Variants in CSMD1 observed in about 807,000 individuals in gnomAD.
CSMD1 encodes the protein CUB and sushi domain-containing protein 1.
CSMD1 carries 213 observed loss-of-function variants against 417.5 expected under a neutral mutation model. That is an observed-to-expected ratio of 0.51 (90% CI 0.46 to 0.57). The LOEUF (loss-of-function observed/expected upper bound fraction) is 0.57. Ranked by LOEUF, CSMD1 falls within the 20% of genes least tolerant of loss-of-function variation. The pLI is 0.00. For missense variants in CSMD1, 6,923 were observed against 4,529.7 expected (o/e 1.53, Z -15.17); for synonymous variants, 2,862 against 1,736.8 (o/e 1.65, Z -16.11).
At chr8:3,345,539 C>T (rs1436514186) in intron 22 of CSMD1, among the ~76,000 whole-genome samples, 1 of 152,102 alleles carries the variant, frequency 6.6e-6, no homozygotes. Flanking sequence ...ATTTCTGATT[C>T]CAATTGGATG....
intron 3 of CSMD1, among the ~76,000 whole-genome samples, chr8:4,280,239 A>C (rs561986315): frequency 5.5e-4 from 84 of 152,262 alleles, no homozygotes; most frequent in Admixed American, 2.0e-4. Context: ...CTTTAGGCAT[A>C]TAGTTAGCTT....
chr8:3,140,329 C>CAA (rs1229091872), intron 41 of CSMD1, among the ~76,000 whole-genome samples: 15 of 95,550 alleles, frequency 1.6e-4, no homozygotes, highest in Non-Finnish European at 2.7e-4. Flanking sequence ...CTCTGATGTT[C>CAA]TCTCTCTCTC....
intron 3 of CSMD1, among the ~76,000 whole-genome samples, chr8:4,369,974 A>C (rs1163709865): frequency 6.6e-6 from 1 of 152,116 alleles, no homozygotes; most frequent in East Asian, 1.9e-4. Flanking sequence ...ACACGTGAGA[A>C]TTGTATCTAT....
chr8:4,748,202 A>C (rs138036819), intron 1 of CSMD1, among the ~76,000 whole-genome samples: 3 of 152,304 alleles, frequency 2.0e-5, no homozygotes, highest in South Asian at 2.1e-4. Flanking sequence ...TCATGCTCAA[A>C]TTCCTTTCTC....
chr8:3,692,446 T>A (rs1585084354), intron 7 of CSMD1, among the ~76,000 whole-genome samples: 1 of 62,208 alleles, frequency 1.6e-5, no homozygotes, highest in Non-Finnish European at 3.9e-5. Context: ...TTAACAATAA[T>A]TTTTTTTTTT....
At chr8:3,652,473 A>G (rs147026444) in intron 7 of CSMD1, among the ~76,000 whole-genome samples, 1,999 of 152,346 alleles carry the variant, frequency 0.013, 44 homozygotes, top group African/African-American at 0.046. Context: ...TAATAAAGAC[A>G]TACCTGAGAC....
At chr8:4,473,418 T>C (rs1321082780) in intron 2 of CSMD1, among the ~76,000 whole-genome samples, 4 of 152,306 alleles carry the variant, frequency 2.6e-5, no homozygotes, top group African/African-American at 9.6e-5. Context: ...TTTAATCCAG[T>C]CAGCTTACCT....
chr8:4,500,820 G>A (rs77078925), intron 2 of CSMD1, among the ~76,000 whole-genome samples: 3,659 of 152,170 alleles, frequency 0.024, 130 homozygotes, highest in East Asian at 0.079. Flanking sequence ...GGAAAACATG[G>A]GTAGAGGTCC....
At chr8:4,202,085 A>C (rs899780714) in intron 3 of CSMD1, among the ~76,000 whole-genome samples, 1 of 95,160 alleles carries the variant, frequency 1.1e-5, no homozygotes, top group Non-Finnish European at 2.3e-5. Flanking sequence ...TCAGTTTAAG[A>C]GTAAATTTTG....
chr8:4,264,195 G>A (rs1393485249), intron 3 of CSMD1, among the ~76,000 whole-genome samples: 1 of 152,116 alleles, frequency 6.6e-6, no homozygotes, highest in African/African-American at 2.4e-5. Flanking sequence ...TGATGATGAT[G>A]ATTACCAACG....
chr8:3,899,402 G>A (rs1807578955), intron 5 of CSMD1, among the ~76,000 whole-genome samples: 1 of 152,214 alleles, frequency 6.6e-6, no homozygotes, highest in African/African-American at 2.4e-5. Flanking sequence ...ATATGGGTAT[G>A]CTGATTACTT....
At chr8:3,940,417 ATATG>A (rs1179152553) in intron 5 of CSMD1, among the ~76,000 whole-genome samples, 2 of 152,038 alleles carry the variant, frequency 1.3e-5, no homozygotes, top group Non-Finnish European at 2.9e-5. Context: ...AATGTTTATA[ATATG>A]TATGTTGTAA....
Position 3,834,082 on chromosome 8 carries a change from G to A in CSMD1, c.819-80040C>T, listed in dbSNP as rs1051507941. Among the ~76,000 whole-genome samples the A allele has an allele frequency of 2.0e-5, 3 of 151,956 alleles. No homozygotes were observed. The East Asian group carries it at 5.8e-4, about 29-fold the overall frequency. ...CACTACTGAAAAAATATTATACTTT[G>A]ATTTCCTTTCTTAAAATTGTTTTTG... On this transcript the variant is annotated intron_variant, in intron 5 of 69. Coordinates refer to ENST00000635120, the MANE Select transcript of CSMD1 (RefSeq NM_033225.6).
chr8:4,414,130 T>C (rs1200162192), intron 3 of CSMD1, among the ~76,000 whole-genome samples: 1 of 152,184 alleles, frequency 6.6e-6, no homozygotes, highest in African/African-American at 2.4e-5. Context: ...GAGAAATAAA[T>C]CAGTGCTGAC....
chr8:4,390,497 T>TTTTTTTAATTTATTTATTTATTTA (rs58291340), intron 3 of CSMD1, among the ~76,000 whole-genome samples: 2 of 140,324 alleles, frequency 1.4e-5, no homozygotes, highest in East Asian at 4.1e-4. Flanking sequence ...AAGCGTCCAT[T>TTTTTTTAATTTATTTATTTATTTA]TTTATTTATT....
At chr8:3,075,453 G>C (rs569000557) in intron 49 of CSMD1, among the ~76,000 whole-genome samples, 3 of 150,922 alleles carry the variant, frequency 2.0e-5, no homozygotes, top group Non-Finnish European at 4.4e-5. Context: ...GGCTAATTTT[G>C]TATTTTTAGT....
chr8:4,035,164 G>A (rs537484636), intron 3 of CSMD1, among the ~76,000 whole-genome samples: 4 of 148,816 alleles, frequency 2.7e-5, no homozygotes, highest in East Asian at 3.9e-4. Context: ...AGGAGATGAT[G>A]GCGTACTGAT....
intron 1 of CSMD1, among the ~76,000 whole-genome samples, chr8:4,676,375 C>T (rs1805681450): frequency 6.6e-6 from 1 of 152,154 alleles, no homozygotes; most frequent in Admixed American, 6.6e-5. Flanking sequence ...CTAATATTAG[C>T]TATGTCCTTG....
chr8:3,772,582 T>C (rs1798669851), intron 5 of CSMD1, among the ~76,000 whole-genome samples: 1 of 133,086 alleles, frequency 7.5e-6, no homozygotes, highest in Non-Finnish European at 1.5e-5. Flanking sequence ...TATATACACA[T>C]ATATTTATAT....
Sources: gnomAD v4.1 joint callset for allele counts (sites outside exome capture counted in the v4.1 genomes callset) on GRCh38, gnomAD v4.1.1 for gene constraint, MANE v1.5 for transcripts, NCBI Gene and HGNC (gene_info 2026-07-23, HGNC 2026-07-21) for gene names.